ANO6: variants seen among roughly 807,000 people sequenced by gnomAD.
The protein encoded by ANO6 is anoctamin-6.
A neutral mutation model predicts 117.5 loss-of-function variants in ANO6; 106 were observed. That is an observed-to-expected ratio of 0.90 (90% CI 0.77 to 1.06). The LOEUF is 1.06. Ranked by LOEUF, ANO6 falls within the 50% of genes least tolerant of loss-of-function variation. The pLI is 0.00. For synonymous variants in ANO6, 367 were observed against 385.1 expected, an observed-to-expected ratio of 0.95 and a Z score of 0.55; for missense variants, 955 against 1,121.1, an observed-to-expected ratio of 0.85 and a Z score of 2.12.
chr12:45,371,232 T>A (rs1258217137), intron 9 of ANO6, among the ~76,000 whole-genome samples: 1 of 152,202 alleles, frequency 6.6e-6, no homozygotes, highest in Non-Finnish European at 1.5e-5. Context: ...TCTCACTGAT[T>A]GCTAGCACAG....
intron 2 of ANO6, among the ~76,000 whole-genome samples, chr12:45,329,335 T>C (rs893253342): frequency 4.6e-5 from 7 of 152,188 alleles, no homozygotes; most frequent in Non-Finnish European, 7.3e-5. Context: ...CAGTAGAGAC[T>C]GGCACTCTTT....
intron 1 of ANO6, among the ~76,000 whole-genome samples, chr12:45,238,151 C>CTTTTTTTTTTTT (rs71437709): frequency 7.6e-5 from 10 of 130,866 alleles, no homozygotes; most frequent in South Asian, 2.5e-4. Flanking sequence ...TTTTCTTTTT[C>CTTTTTTTTTTTT]TTTTTTTTTT....
intron 1 of ANO6, among the ~76,000 whole-genome samples, chr12:45,245,420 A>ATTT (rs397965166): frequency 3.0e-5 from 4 of 132,328 alleles, no homozygotes; most frequent in East Asian, 2.2e-4. Context: ...CAAAAAACTG[A>ATTT]TTTTTTTTTT....
At chr12:45,404,960 G>T (rs2137640837) in intron 15 of ANO6, among the ~76,000 whole-genome samples, 1 of 152,070 alleles carries the variant, frequency 6.6e-6, no homozygotes, top group Non-Finnish European at 1.5e-5. Flanking sequence ...GGGTTTCAGT[G>T]CCTCCTTCCA....
chr12:45,222,083 C>T (rs542234929), intron 1 of ANO6, among the ~76,000 whole-genome samples: 2 of 151,650 alleles, frequency 1.3e-5, no homozygotes, highest in Non-Finnish European at 2.9e-5. Context: ...GGGGTTTCAC[C>T]GTGTTAATCA....
rs1268663050 is a variant in ANO6 at position 45,357,395 on chromosome 12, A to T, written c.969A>T (p.Gly323=). The T allele has an allele frequency of 6.2e-7, 1 of 1,613,826 alleles. No individual in the cohort carries two copies. Among genetic ancestry groups the T allele is most frequent in the South Asian group, 1.1e-5 (1 of 91,060 alleles). ...TAGGAGTGGCTTGCTTTCTCTATGG[A>T]TATCTTAATCAAGATAACTGTACAT... ...AVVGVACFLY[G]YLNQDNCTWS... is the part of the protein sequence containing the mutation. Residue 323 remains glycine, a synonymous_variant, in exon 8 of 20, where the codon GGA becomes GGT. Transcript: ENST00000320560.
chr12:45,386,090 C>T (rs1942291387), intron 10 of ANO6, among the ~76,000 whole-genome samples: 1 of 152,180 alleles, frequency 6.6e-6, no homozygotes, highest in African/African-American at 2.4e-5. Context: ...AACAAAACAA[C>T]TATGCTCAGG....
At chr12:45,360,546 T>G (rs1460295745) in intron 8 of ANO6, among the ~76,000 whole-genome samples, 2 of 152,232 alleles carry the variant, frequency 1.3e-5, no homozygotes, top group Non-Finnish European at 2.9e-5. Flanking sequence ...AAATATTTTC[T>G]CCCATTCTAT....
At chr12:45,248,057 A>G (rs1035379901) in intron 1 of ANO6, among the ~76,000 whole-genome samples, 2 of 152,216 alleles carry the variant, frequency 1.3e-5, no homozygotes, top group Non-Finnish European at 2.9e-5. Context: ...AAATCCTGCT[A>G]ATATCACCAC....
rs1592058464 is a variant in ANO6, at chr12:45,429,416, T to C, written c.*105T>C. The stretch of plus-strand genomic sequence containing the variant: ...GTTAAATCACTTTGGCAAATATGAG[T>C]CTCAACTATTGCCATTTCCTCATGT... On this transcript the variant is annotated 3_prime_UTR_variant, in exon 20 of 20. Transcript: ENST00000320560. The C allele has an allele frequency of 6.5e-7, 1 of 1,529,466 alleles. No homozygotes were observed. Among genetic ancestry groups the C allele is most frequent in the East Asian group, 2.5e-5 (1 of 40,778 alleles). 94.7% of individuals were successfully genotyped at this position (1,529,466 alleles called of 1,614,324 possible).
At chr12:45,373,327 C>T (rs1406468164) in intron 9 of ANO6, among the ~76,000 whole-genome samples, 1 of 151,210 alleles carries the variant, frequency 6.6e-6, no homozygotes. Flanking sequence ...ACAAGGATAC[C>T]CAGGAATTGA....
At chr12:45,275,620 C>A (rs1240356054) in intron 1 of ANO6, among the ~76,000 whole-genome samples, 2 of 152,186 alleles carry the variant, frequency 1.3e-5, no homozygotes, top group African/African-American at 4.8e-5. Flanking sequence ...TCCCATCACT[C>A]TTCTGAAATT....
chr12:45,310,214 C>T (rs1429646219), intron 2 of ANO6, among the ~76,000 whole-genome samples: 3 of 152,022 alleles, frequency 2.0e-5, no homozygotes, highest in Non-Finnish European at 4.4e-5. Context: ...TTTTGGAATA[C>T]AGAATGTTAT....
At position 45,255,822 on chromosome 12, in the gene ANO6, T is replaced by TTTTTTTG. The variant is rs1937801092; in HGVS notation, c.70+39437_70+39438insGTTTTTT. Among the ~76,000 whole-genome samples the TTTTTTTG allele has an allele frequency of 2.1e-5, 3 of 143,560 alleles. No individual in the cohort carries two copies. The South Asian group carries it at 7.3e-4, about 35-fold the overall frequency. 94.2% of individuals were successfully genotyped at this position (143,560 alleles called of 152,430 possible). ...CCCCAGGTTTTCTCCCTGGGTGTTT[T>TTTTTTTG]TTTTTTTTTTTTTTTTGAGACTGAA... On this transcript the variant is annotated intron_variant, in intron 1 of 19. Transcript: ENST00000320560.
At chr12:45,428,774 C>G (rs923616757) in intron 19 of ANO6, among the ~76,000 whole-genome samples, 1 of 152,100 alleles carries the variant, frequency 6.6e-6, no homozygotes, top group Non-Finnish European at 1.5e-5. Flanking sequence ...GAAAAAGAGA[C>G]ACAAAATACA....
At chr12:45,286,086 T>C (rs1938905094) in intron 1 of ANO6, among the ~76,000 whole-genome samples, 2 of 152,312 alleles carry the variant, frequency 1.3e-5, no homozygotes, top group African/African-American at 4.8e-5. Flanking sequence ...GAAAAAGGCT[T>C]CTACTGATAG....
intron 1 of ANO6, among the ~76,000 whole-genome samples, chr12:45,261,663 T>A (rs188782567): frequency 1.3e-5 from 2 of 152,352 alleles, no homozygotes; most frequent in African/African-American, 4.8e-5. Flanking sequence ...TTGAGGCCAT[T>A]TGGATGTCTC....
chr12:45,414,435 A>G (rs1400070714), intron 16 of ANO6, among the ~76,000 whole-genome samples: 1 of 152,132 alleles, frequency 6.6e-6, no homozygotes, highest in African/African-American at 2.4e-5. Context: ...TTGGTGTCAG[A>G]AGTGATGGCC....
At chr12:45,388,329 G>A in intron 11 of ANO6, 26 bp downstream of exon 11, 1 of 1,613,422 alleles carries the variant, frequency 6.2e-7, no homozygotes, top group Non-Finnish European at 8.5e-7. Flanking sequence ...TTTAGGTGCA[G>A]TTTAATCTAC....
Sources: gnomAD v4.1 joint callset for allele counts (sites outside exome capture counted in the v4.1 genomes callset) on GRCh38, gnomAD v4.1.1 for gene constraint, MANE v1.5 for transcripts, NCBI Gene and HGNC (gene_info 2026-07-23, HGNC 2026-07-21) for gene names.